The following FMN1 variants were observed in gnomAD, a reference collection of about 807,000 sequenced individuals.
FMN1 encodes formin-1.
FMN1 carries 110 observed loss-of-function variants against 132.4 expected under a neutral mutation model. The observed-to-expected ratio is 0.83, with a 90% CI of 0.71 to 0.97. FMN1 has a LOEUF of 0.97. Ranked by LOEUF, FMN1 falls within the 50% of genes least tolerant of loss-of-function variation. The probability of loss-of-function intolerance (pLI) is 0.00; values close to 1 mark genes in which losing one functional copy is unlikely to be tolerated. For synonymous variants in FMN1, 722 were observed against 651.7 expected (o/e 1.11, Z -1.64); for missense variants, 1,792 against 1,705.3 (o/e 1.05, Z -0.90).
At chr15:32,835,661 T>C (rs562440262) in intron 17 of FMN1, among the ~76,000 whole-genome samples, 4 of 152,152 alleles carry the variant, frequency 2.6e-5, no homozygotes, top group Non-Finnish European at 5.9e-5. Context: ...TCCTCCTGAG[T>C]TGACAACCTT....
At chr15:33,009,884 CT>C (rs1402673906) in intron 6 of FMN1, among the ~76,000 whole-genome samples, 2 of 151,394 alleles carry the variant, frequency 1.3e-5, no homozygotes, top group Non-Finnish European at 2.9e-5. Flanking sequence ...ATGGAGGAAT[CT>C]TTTTTTTGTT....
At chr15:33,023,406 G>C (rs1250304732) in intron 6 of FMN1, among the ~76,000 whole-genome samples, 5 of 151,964 alleles carry the variant, frequency 3.3e-5, no homozygotes, top group Non-Finnish European at 7.4e-5. Context: ...TTAAACATAT[G>C]AAAATATTTT....
At chr15:33,074,284 T>C (rs1000761599) in intron 5 of FMN1, among the ~76,000 whole-genome samples, 3 of 152,230 alleles carry the variant, frequency 2.0e-5, no homozygotes, top group Non-Finnish European at 4.4e-5. Context: ...TTCACAGGAA[T>C]ATAAAGCCAA....
chr15:32,958,682 A>G (rs867588339), intron 9 of FMN1, among the ~76,000 whole-genome samples: 32 of 152,182 alleles, frequency 2.1e-4, no homozygotes, highest in African/African-American at 7.2e-4. Context: ...ACTCTTGATC[A>G]TTCTGTCCAT....
At chr15:33,033,619 C>G (rs1462384247) in intron 6 of FMN1, among the ~76,000 whole-genome samples, 4 of 151,674 alleles carry the variant, frequency 2.6e-5, no homozygotes, top group Non-Finnish European at 5.9e-5. Flanking sequence ...TTAATTAAAA[C>G]AAAATGAAAT....
intron 10 of FMN1, among the ~76,000 whole-genome samples, chr15:32,919,860 A>G (rs2060777933): frequency 6.6e-6 from 1 of 152,210 alleles, no homozygotes; most frequent in African/African-American, 2.4e-5. Context: ...TTAAGGCAAA[A>G]GGAAACAAGG....
chr15:33,043,095 T>C (rs1297168762), intron 6 of FMN1, among the ~76,000 whole-genome samples: 1 of 152,216 alleles, frequency 6.6e-6, no homozygotes, highest in South Asian at 2.1e-4. Context: ...TGGTAGAAAC[T>C]GTACTTTGAA....
intron 9 of FMN1, among the ~76,000 whole-genome samples, chr15:32,945,228 G>A (rs752459251): frequency 6.6e-6 from 1 of 152,100 alleles, no homozygotes; most frequent in Non-Finnish European, 1.5e-5. Flanking sequence ...CCAATACATA[G>A]ATATATGTAT....
intron 6 of FMN1, among the ~76,000 whole-genome samples, chr15:33,061,534 A>G (rs1200968700): frequency 1.3e-5 from 2 of 152,120 alleles, no homozygotes; most frequent in Non-Finnish European, 2.9e-5. Context: ...TGAAGTTACT[A>G]AACATTATCA....
At chr15:33,089,162 A>G (rs2038814664) in intron 4 of FMN1, among the ~76,000 whole-genome samples, 188 bp from the exon 5 acceptor site, 1 of 152,204 alleles carries the variant, frequency 6.6e-6, no homozygotes, top group Non-Finnish European at 1.5e-5. Flanking sequence ...CACACCAACA[A>G]AAATTTACAA....
At chr15:32,935,975 G>T (rs913028638) in intron 9 of FMN1, among the ~76,000 whole-genome samples, 1 of 151,960 alleles carries the variant, frequency 6.6e-6, no homozygotes, top group Non-Finnish European at 1.5e-5. Flanking sequence ...CATTTCAAAC[G>T]ACCTCTCTTT....
rs530336921 is a variant in FMN1 at position 33,154,302 on chromosome 15, A to C, written c.613T>G (p.Ser205Ala). 1.1e-4 allele frequency: 170 copies of C among 1,536,164 alleles called. 1 individual carries two copies. In the Middle Eastern group the frequency reaches 1.5e-3, roughly 14 times the overall value. ...ACCCAAAGGTTAGGCCTTGTTCTAG[A>C]AAGAGGAAGGGAGTGGCTGGAACAG... The part of the protein sequence containing the change: ...KICSSHSLPL[S>A]RTRPNLWVLE... Residue 205 changes from serine (S) to alanine (A), a missense_variant, in exon 4 of 21, where the codon TCT becomes GCT. Transcript: ENST00000616417.
At chr15:32,941,358 C>T (rs2061397430) in intron 9 of FMN1, among the ~76,000 whole-genome samples, 1 of 152,194 alleles carries the variant, frequency 6.6e-6, no homozygotes, top group South Asian at 2.1e-4. Flanking sequence ...AAGAAACCTA[C>T]AAATTTCATC....
At position 33,097,303 on chromosome 15, in the gene FMN1, T is replaced by TAA. The variant is rs35888764; in HGVS notation, c.1868-8331_1868-8330dup. The stretch of plus-strand genomic sequence containing the variant: ...TGGATGACAGAGTGAGACCCTGTCT[T>TAA]AAAAAAAAAAAAAAGAGAGAGAGAG... On this transcript the variant is annotated intron_variant, in intron 4 of 20. Coordinates refer to ENST00000616417, the MANE Select transcript of FMN1 (RefSeq NM_001277313.2). Among the ~76,000 whole-genome samples, 30 of 127,260 alleles carry TAA rather than the reference T, an allele frequency of 2.4e-4. No individual in the cohort carries two copies. The East Asian group carries it at 5.8e-3, about 25-fold the overall frequency. 83.5% of individuals were successfully genotyped at this position (127,260 alleles called of 152,430 possible).
rs60973000 is a variant in FMN1, at chr15:33,042,201, G to A, written c.2161+22756C>T. Among the ~76,000 whole-genome samples the A allele has an allele frequency of 5.6e-3, 856 of 152,192 alleles. 10 individuals are homozygous for A. The highest frequency in any genetic ancestry group is 0.02 in the African/African-American group (816 of 41,556). On this transcript the variant is annotated intron_variant, in intron 6 of 20. Coordinates refer to ENST00000616417, the MANE Select transcript of FMN1 (RefSeq NM_001277313.2). Reference sequence around the variant, plus strand: ...ATCAAATATCCAGAAATAAATCTAAGTGTGCAAAAGCTATAAGAAGAAAAT... The same window carrying A: ...ATCAAATATCCAGAAATAAATCTAAATGTGCAAAAGCTATAAGAAGAAAAT...
In FMN1 at chr15:32,901,929, G is replaced by T. The variant is rs1189792963; in HGVS notation, c.3489C>A (p.Ile1163=). 1.9e-5 allele frequency: 30 copies of T among 1,610,880 alleles called. No homozygotes were observed. Among genetic ancestry groups the T allele is most frequent in the Non-Finnish European group, 2.2e-5 (26 of 1,178,866 alleles). Reference sequence around the variant, plus strand: ...AACATACCTTAGAAGCTCGCGTGATGATCTCTACCTTTCTGTGCAAGGAGG... The same window carrying T: ...AACATACCTTAGAAGCTCGCGTGATTATCTCTACCTTTCTGTGCAAGGAGG... ...GITSLHRKVE[I]ITRASKDLLH... Residue 1163 remains isoleucine, a synonymous_variant, in exon 13 of 21, where the codon ATC becomes ATA. Coordinates refer to ENST00000616417, the MANE Select transcript of FMN1 (RefSeq NM_001277313.2).
At chr15:33,024,197 A>C (rs1299663779) in intron 6 of FMN1, among the ~76,000 whole-genome samples, 3 of 146,986 alleles carry the variant, frequency 2.0e-5, no homozygotes, top group African/African-American at 7.5e-5. Flanking sequence ...TTAAAACTAC[A>C]GGGAATACTA....
intron 4 of FMN1, among the ~76,000 whole-genome samples, chr15:33,125,509 C>G (rs974231055): frequency 4.6e-5 from 7 of 151,880 alleles, no homozygotes; most frequent in Non-Finnish European, 7.4e-5. Context: ...TCAAATGAAC[C>G]CTTCTCAAAT....
intron 9 of FMN1, among the ~76,000 whole-genome samples, chr15:32,955,808 T>C (rs1055349507): frequency 7.2e-6 from 1 of 138,582 alleles, no homozygotes; most frequent in Non-Finnish European, 1.5e-5. Flanking sequence ...TGTGTGCGTG[T>C]GCGTGTGTGT....
Sources: gnomAD v4.1 joint callset for allele counts (sites outside exome capture counted in the v4.1 genomes callset) on GRCh38, gnomAD v4.1.1 for gene constraint, MANE v1.5 for transcripts, NCBI Gene and HGNC (gene_info 2026-07-23, HGNC 2026-07-21) for gene names.